PTPN13: variants seen among roughly 807,000 people sequenced by gnomAD.
PTPN13 encodes tyrosine-protein phosphatase non-receptor type 13.
A neutral mutation model predicts 284.0 loss-of-function variants in PTPN13; 191 were observed. The observed-to-expected ratio is 0.67, with a 90% CI of 0.60 to 0.76. PTPN13 has a LOEUF of 0.76. Among genes scored for constraint, PTPN13 ranks in the 30% least tolerant of loss-of-function variants. The pLI, the probability that PTPN13 is intolerant of heterozygous loss-of-function variation, is 0.00. For missense variants in PTPN13, 2,797 were observed against 2,939.9 expected, an observed-to-expected ratio of 0.95 and a Z score of 1.12; for synonymous variants, 986 against 1,022.3, an observed-to-expected ratio of 0.96 and a Z score of 0.68.
chr4:86,694,095 C>CT lies in PTPN13; in HGVS notation c.634+432dup, dbSNP rs940349714. Among the ~76,000 whole-genome samples, 836 of 144,336 alleles carry CT rather than the reference C, an allele frequency of 5.8e-3. 6 individuals are homozygous for CT. The highest frequency in any genetic ancestry group is 0.019 in the African/African-American group (765 of 39,590). The allele number at this position is 144,336 out of a possible 152,430, so 94.7% of individuals were successfully genotyped here. A position where few individuals can be genotyped will look rare whatever the true frequency, so the allele number is the denominator to read the frequency against. The stretch of plus-strand genomic sequence containing the variant: ...CACTCTGATATTTTTTATCATATTT[C>CT]TTTTTTTTTTTAAATGCTAGTAATA... On this transcript the variant is annotated intron_variant, in intron 6 of 47. Transcript: ENST00000411767.
rs1285258592 is a variant in PTPN13 at position 86,795,651 on chromosome 4, G to A, written c.6346-1223G>A. ...CATGAAACCAACCCAAATGTCCATCGATGATAGACTGAATAAAGAAAATGT... is the reference window on the plus strand; with the variant it reads ...CATGAAACCAACCCAAATGTCCATCAATGATAGACTGAATAAAGAAAATGT... On this transcript the variant is annotated intron_variant, in intron 40 of 47. Coordinates refer to ENST00000411767, the MANE Select transcript of PTPN13 (RefSeq NM_080683.3). 3.9e-5 allele frequency among the ~76,000 whole-genome samples: 6 copies of A among 152,046 alleles called. No individual in the cohort carries two copies. In the East Asian group the frequency reaches 5.8e-4, roughly 15 times the overall value.
intron 3 of PTPN13, among the ~76,000 whole-genome samples, chr4:86,680,763 T>A (rs1728814435): frequency 6.6e-6 from 1 of 152,314 alleles, no homozygotes; most frequent in African/African-American, 2.4e-5. Context: ...ATGACTCCTC[T>A]TTTTTAGATG....
chr4:86,677,995 A>T (rs1041837133), intron 3 of PTPN13, among the ~76,000 whole-genome samples: 6 of 152,172 alleles, frequency 3.9e-5, no homozygotes, highest in African/African-American at 1.2e-4. Flanking sequence ...TCTCCCCTAG[A>T]GCACTAGAAC....
intron 2 of PTPN13, among the ~76,000 whole-genome samples, chr4:86,651,321 T>G (rs1725048838): frequency 6.6e-6 from 1 of 152,168 alleles, no homozygotes; most frequent in Admixed American, 6.5e-5. Context: ...ATTGCTAGTA[T>G]TTTGTTGAGG....
At chr4:86,792,846 A>G (rs10212681) in intron 40 of PTPN13, among the ~76,000 whole-genome samples, 15,145 of 152,158 alleles carry the variant, frequency 0.1, 873 homozygotes, top group Non-Finnish European at 0.11. Context: ...CCTAACAAGA[A>G]CTCCTGAAGG....
At chr4:86,635,542 T>C (rs1217745356) in intron 2 of PTPN13, among the ~76,000 whole-genome samples, 171 bp downstream of exon 2, 1 of 152,212 alleles carries the variant, frequency 6.6e-6, no homozygotes, top group African/African-American at 2.4e-5. Flanking sequence ...TCAGCTATTA[T>C]CTACATTCAT....
chr4:86,643,476 G>A (rs943131669), intron 2 of PTPN13, among the ~76,000 whole-genome samples: 2 of 152,052 alleles, frequency 1.3e-5, no homozygotes, highest in African/African-American at 4.8e-5. Context: ...CTAAAAAAGT[G>A]CCTAAAAATT....
At chr4:86,777,287 C>CT (rs1462547450) in intron 35 of PTPN13, among the ~76,000 whole-genome samples, 1 of 152,148 alleles carries the variant, frequency 6.6e-6, no homozygotes, top group Non-Finnish European at 1.5e-5. Flanking sequence ...TTTCTACCCT[C>CT]TAGAGACTCC....
At chr4:86,622,429 G>C (rs528793194) in intron 1 of PTPN13, among the ~76,000 whole-genome samples, 3 of 152,222 alleles carry the variant, frequency 2.0e-5, no homozygotes, top group Non-Finnish European at 4.4e-5. Context: ...TTAACGAAGG[G>C]TAGTAAAACT....
At chr4:86,672,152 AT>A (rs1446010061) in intron 2 of PTPN13, among the ~76,000 whole-genome samples, 1 of 152,216 alleles carries the variant, frequency 6.6e-6, no homozygotes, top group African/African-American at 2.4e-5. Context: ...ATTAAGCCAA[AT>A]CAAGGCATTG....
At chr4:86,672,679 AT>A (rs1281007287) in intron 3 of PTPN13, 136 bp downstream of exon 3, 3 of 675,744 alleles carry the variant, frequency 4.4e-6, no homozygotes, top group Non-Finnish European at 6.9e-6. Context: ...AAGTTCAGTT[AT>A]TTTATTTAAG....
At chr4:86,639,587 C>G (rs969384037) in intron 2 of PTPN13, among the ~76,000 whole-genome samples, 2 of 150,918 alleles carry the variant, frequency 1.3e-5, no homozygotes, top group African/African-American at 4.9e-5. Flanking sequence ...GACAAAAAAC[C>G]AAACACCGCC....
rs201314867 is a variant in PTPN13, at chr4:86,670,171, C to CT, written c.116-2177dup. On this transcript the variant is annotated intron_variant, in intron 2 of 47. Coordinates refer to ENST00000411767, the MANE Select transcript of PTPN13 (RefSeq NM_080683.3). ...TCTTCATTTCTTTTCTATCTTAATTCTTTTTTTTTTTTTTTTTGGTGACCT... is the reference window on the plus strand; with the variant it reads ...TCTTCATTTCTTTTCTATCTTAATTCTTTTTTTTTTTTTTTTTTGGTGACCT... 5.6e-3 allele frequency among the ~76,000 whole-genome samples: 619 copies of CT among 110,268 alleles called. 11 individuals are homozygous for CT. The highest frequency in any genetic ancestry group is 0.048 in the East Asian group (179 of 3,712). 72.3% of individuals were successfully genotyped at this position (110,268 alleles called of 152,430 possible). A position where few individuals can be genotyped will look rare whatever the true frequency, so the allele number is the denominator to read the frequency against.
intron 1 of PTPN13, among the ~76,000 whole-genome samples, chr4:86,596,412 G>A (rs992656180): frequency 2.6e-5 from 4 of 152,108 alleles, no homozygotes; most frequent in East Asian, 1.9e-4. Flanking sequence ...TAACATACAC[G>A]CACACCATTA....
At position 86,803,781 on chromosome 4, in the gene PTPN13, C is replaced by T. The variant is rs778543538; in HGVS notation, c.6578C>T (p.Thr2193Met). The change falls in exon 43 of 48, where the codon ACG (threonine) becomes ATG (methionine). Residue 2193 changes from threonine (T) to methionine (M), a missense_variant. Physicochemically the swap from Thr to Met is moderately conservative, Grantham distance 81. Transcript: ENST00000411767. ...VVKVLPSGKY[T>M]GANLKSVIRV... ...AAAGTGCTTCCCTCTGGTAAATACA[C>T]GGGTGCCAACTTAAAATCAGTCATT... 8 of 1,613,744 alleles carry T rather than the reference C, an allele frequency of 5.0e-6. No individual in the cohort carries two copies. Among genetic ancestry groups the T allele is most frequent in the African/African-American group, 2.7e-5 (2 of 74,912 alleles).
chr4:86,767,461 G>C (rs1739465533), intron 27 of PTPN13, among the ~76,000 whole-genome samples: 1 of 151,822 alleles, frequency 6.6e-6, no homozygotes, highest in Non-Finnish European at 1.5e-5. Context: ...GGCCAGGCTG[G>C]TCTCCAACTT....
At chr4:86,696,682 A>G (rs1326329993) in intron 6 of PTPN13, among the ~76,000 whole-genome samples, 1 of 151,992 alleles carries the variant, frequency 6.6e-6, no homozygotes, top group African/African-American at 2.4e-5. Context: ...GAGAAATCAA[A>G]TCCTTAAGTA....
chr4:86,792,486 C>G (rs1218478810), intron 40 of PTPN13, among the ~76,000 whole-genome samples: 3 of 152,134 alleles, frequency 2.0e-5, no homozygotes, highest in Admixed American at 1.3e-4. Context: ...GGCCAACATT[C>G]AAATTCAGGA....
intron 17 of PTPN13, among the ~76,000 whole-genome samples, chr4:86,748,664 A>T (rs570160023): frequency 1.3e-5 from 2 of 149,258 alleles, no homozygotes; most frequent in East Asian, 2.0e-4. Context: ...GATTATGGAA[A>T]TTTTTTTTTT....
Sources: gnomAD v4.1 joint callset for allele counts (sites outside exome capture counted in the v4.1 genomes callset) on GRCh38, gnomAD v4.1.1 for gene constraint, MANE v1.5 for transcripts, NCBI Gene and HGNC (gene_info 2026-07-23, HGNC 2026-07-21) for gene names.